NT5M: variants seen among roughly 807,000 people sequenced by gnomAD.
NT5M encodes 5',3'-nucleotidase, mitochondrial.
NT5M carries 22 observed loss-of-function variants against 22.2 expected under a neutral mutation model. The observed-to-expected ratio is 0.99, with a 90% CI of 0.71 to 1.41. The LOEUF is 1.41. Ranked by LOEUF, NT5M falls within the 40% of genes most tolerant of loss-of-function variation. NT5M has a pLI of 0.00. For missense variants in NT5M, 322 were observed against 314.8 expected, an observed-to-expected ratio of 1.02 and a Z score of -0.17; for synonymous variants, 167 against 133.0, an observed-to-expected ratio of 1.26 and a Z score of -1.76.
chr17:17,334,721 A>G (rs2049467192), intron 3 of NT5M, among the ~76,000 whole-genome samples: 1 of 151,018 alleles, frequency 6.6e-6, no homozygotes, highest in Non-Finnish European at 1.5e-5. Context: ...TGATCCGCCC[A>G]CTTTGGCCTC....
intron 3 of NT5M, among the ~76,000 whole-genome samples, chr17:17,341,200 T>C (rs1002224750): frequency 4.6e-5 from 7 of 152,232 alleles, no homozygotes; most frequent in Non-Finnish European, 8.8e-5. Flanking sequence ...TGTATCCTGT[T>C]AGTTTGCCAA....
chr17:17,347,289 T>G lies in NT5M; in HGVS notation c.*342T>G. The G allele has an allele frequency of 4.0e-6, 1 of 252,974 alleles. No homozygotes were observed. Among genetic ancestry groups the G allele is most frequent in the Non-Finnish European group, 7.6e-6 (1 of 132,324 alleles). 15.7% of individuals were successfully genotyped at this position (252,974 alleles called of 1,614,324 possible). On this transcript the variant is annotated 3_prime_UTR_variant, in exon 5 of 5. Transcript: ENST00000389022. Reference sequence around the variant, plus strand: ...TGGCCGTCTCCACTCCCTAGGCAAGTTCTCTGAGGCAGAAGGGGGTTCCCT... The same window carrying G: ...TGGCCGTCTCCACTCCCTAGGCAAGGTCTCTGAGGCAGAAGGGGGTTCCCT...
In NT5M at chr17:17,320,018, T is replaced by A. The variant is rs147262579; in HGVS notation, c.369-3167T>A. ...TCACCACGTCCGGCTATTTTTCTAT[T>A]TTTAGTATAGACAGGGTTTCACCAT... On this transcript the variant is annotated intron_variant, in intron 2 of 4. Coordinates refer to ENST00000389022, the MANE Select transcript of NT5M (RefSeq NM_020201.4). 7.9e-5 allele frequency among the ~76,000 whole-genome samples: 12 copies of A among 152,258 alleles called. No homozygotes were observed. In the East Asian group the frequency reaches 2.3e-3, roughly 29 times the overall value.
At chr17:17,322,730 C>T (rs1049813530) in intron 2 of NT5M, among the ~76,000 whole-genome samples, 8 of 152,280 alleles carry the variant, frequency 5.3e-5, no homozygotes, top group African/African-American at 9.6e-5. Context: ...TCAGCTCTCC[C>T]GCGGAGCTAC....
intron 3 of NT5M, among the ~76,000 whole-genome samples, chr17:17,332,377 C>T (rs1567895410): frequency 6.6e-6 from 1 of 152,150 alleles, no homozygotes; most frequent in Non-Finnish European, 1.5e-5. Context: ...CAGCATCCCC[C>T]TTTACTTCTG....
Position 17,334,548 on chromosome 17 carries a change from G to A in NT5M, c.430-10246G>A, listed in dbSNP as rs1229707239. Among the ~76,000 whole-genome samples, 14 of 144,138 alleles carry A rather than the reference G, an allele frequency of 9.7e-5. 1 individual carries two copies. Among genetic ancestry groups the A allele is most frequent in the Admixed American group, 9.4e-4 (13 of 13,892 alleles). 94.6% of individuals were successfully genotyped at this position (144,138 alleles called of 152,430 possible). On this transcript the variant is annotated intron_variant, in intron 3 of 4. Transcript: ENST00000389022. ...GGCTGGAGTGCAGTGGTGTGATCTC[G>A]GCTCACTGCAACCTCCTACTGGGTT...
At chr17:17,344,703 T>C (rs1643477991) in intron 3 of NT5M, 91 bp from the exon 4 acceptor site, 3 of 1,491,564 alleles carry the variant, frequency 2.0e-6, no homozygotes, top group Non-Finnish European at 2.8e-6. Flanking sequence ...TTAGCTGAGG[T>C]CTAGGCTGAC....
At chr17:17,310,765 G>A (rs568843396) in intron 2 of NT5M, among the ~76,000 whole-genome samples, 2 of 138,800 alleles carry the variant, frequency 1.4e-5, no homozygotes, top group South Asian at 2.7e-4. Flanking sequence ...TTGAACCTCA[G>A]GGGGGTGGAG....
chr17:17,306,531 T>G lies in NT5M; in HGVS notation c.268-12T>G. On this transcript the variant is annotated splice_polypyrimidine_tract_variant and intron_variant, in intron 1 of 4. Coordinates refer to ENST00000389022, the MANE Select transcript of NT5M (RefSeq NM_020201.4). ...GGACCCTGGAAGTAACTTGCTTTTC[T>G]CAACTTCTCAGGAGAAGGCCATCAG... 1 of 1,608,370 alleles carries G rather than the reference T, an allele frequency of 6.2e-7. No individual in the cohort carries two copies. Among genetic ancestry groups the G allele is most frequent in the Non-Finnish European group, 8.5e-7 (1 of 1,174,888 alleles).
intron 1 of NT5M, chr17:17,304,415 G>A: frequency 1.0e-6 from 1 of 985,448 alleles, no homozygotes; most frequent in Non-Finnish European, 1.2e-6. Context: ...GACTCCCGAG[G>A]TGTTCTGTCC....
chr17:17,315,743 G>GT (rs2049009166), intron 2 of NT5M, among the ~76,000 whole-genome samples: 1 of 131,284 alleles, frequency 7.6e-6, no homozygotes. Context: ...TCTAACTTAG[G>GT]GTTTTTTTGT....
rs533257591 is a variant in NT5M, at chr17:17,335,833, A to C, written c.430-8961A>C. Reference sequence around the variant, plus strand: ...TTTTTAGTAGAGACGGGGTTTTGCCATGTTGGCCAGCTGGTCTCTAACTCC... The same window carrying C: ...TTTTTAGTAGAGACGGGGTTTTGCCCTGTTGGCCAGCTGGTCTCTAACTCC... On this transcript the variant is annotated intron_variant, in intron 3 of 4. Coordinates refer to ENST00000389022, the MANE Select transcript of NT5M (RefSeq NM_020201.4). 3.9e-5 allele frequency among the ~76,000 whole-genome samples: 6 copies of C among 152,012 alleles called. No homozygotes were observed. In the South Asian group the frequency reaches 1.0e-3, roughly 26 times the overall value.
intron 2 of NT5M, among the ~76,000 whole-genome samples, chr17:17,313,954 C>T (rs2048971476): frequency 6.6e-6 from 1 of 152,142 alleles, no homozygotes. Context: ...CTTCCCTGGG[C>T]AGAGCCTCAG....
chr17:17,321,936 G>C (rs1019786980), intron 2 of NT5M, among the ~76,000 whole-genome samples: 4 of 152,032 alleles, frequency 2.6e-5, no homozygotes, highest in Admixed American at 6.6e-5. Flanking sequence ...CGAGGTTTTG[G>C]GGGGAAGTGA....
intron 2 of NT5M, among the ~76,000 whole-genome samples, chr17:17,313,928 T>C (rs1353573748): frequency 1.3e-5 from 2 of 152,212 alleles, no homozygotes; most frequent in East Asian, 1.9e-4. Flanking sequence ...CCAGCAGCTC[T>C]GCGCGTGAGA....
chr17:17,336,083 A>G (rs370410219), intron 3 of NT5M, among the ~76,000 whole-genome samples: 3 of 149,374 alleles, frequency 2.0e-5, no homozygotes, highest in East Asian at 3.9e-4. Flanking sequence ...GCTCACTGCA[A>G]ACTCTGCCTC....
chr17:17,322,132 T>C (rs1299815588), intron 2 of NT5M, among the ~76,000 whole-genome samples: 1 of 151,816 alleles, frequency 6.6e-6, no homozygotes, highest in Admixed American at 6.6e-5. Flanking sequence ...AGAGCAGGAA[T>C]GGAGAGGATG....
intron 3 of NT5M, among the ~76,000 whole-genome samples, chr17:17,325,904 C>T (rs141431469): frequency 1.2e-4 from 18 of 152,322 alleles, no homozygotes; most frequent in African/African-American, 4.3e-4. Flanking sequence ...TTGGATGACA[C>T]TTCCCACCAC....
intron 1 of NT5M, among the ~76,000 whole-genome samples, chr17:17,304,984 TCTA>T (rs1221916707): frequency 6.6e-6 from 1 of 152,174 alleles, no homozygotes; most frequent in Non-Finnish European, 1.5e-5. Context: ...GCTGAGCTCT[TCTA>T]CAGCGGATGC....
Sources: allele counts gnomAD v4.1 joint callset (sites outside exome capture counted in the v4.1 genomes callset), GRCh38; gene constraint gnomAD v4.1.1; transcripts MANE v1.5; gene names NCBI Gene and HGNC (gene_info 2026-07-23, HGNC 2026-07-21).